EXOC6B: variants seen among roughly 807,000 people sequenced by gnomAD.
EXOC6B encodes SEC15 homolog B.
Under a neutral mutation model 113.5 loss-of-function variants are expected in EXOC6B, and 54 were observed. That is an observed-to-expected ratio of 0.48 (90% confidence interval 0.38 to 0.60). The LOEUF is 0.60. Among genes scored for constraint, EXOC6B ranks in the 20% least tolerant of loss-of-function variants. The pLI is 0.00. For missense variants in EXOC6B, 797 were observed against 977.5 expected, an observed-to-expected ratio of 0.82 and a Z score of 2.46; for synonymous variants, 357 against 339.0, an observed-to-expected ratio of 1.05 and a Z score of -0.58.
chr2:72,323,490 T>C (rs1216392252), intron 20 of EXOC6B, among the ~76,000 whole-genome samples: 2 of 152,166 alleles, frequency 1.3e-5, no homozygotes. Flanking sequence ...ACTGGGTATG[T>C]ACCCAAAGGA....
In EXOC6B at chr2:72,498,477, T is replaced by C. The variant is rs755208021; in HGVS notation, c.1314A>G (p.Leu438=). The change falls in exon 13 of 22, where the codon CTA becomes CTG. Residue 438 remains leucine (L), a synonymous_variant. Transcript: ENST00000272427. Reference sequence around the variant, plus strand: ...ACCTGAAAATACCTGCCCACTTCTTTAGCAGAGTTTCACTATATTGGTCTC... The same window carrying C: ...ACCTGAAAATACCTGCCCACTTCTTCAGCAGAGTTTCACTATATTGGTCTC... The part of the protein sequence containing the change: ...EIRDQYSETL[L]KKWAGIFRNI... The C allele has an allele frequency of 6.2e-7, 1 of 1,611,458 alleles. No homozygotes were observed. The highest frequency in any genetic ancestry group is 1.7e-5 in the Admixed American group (1 of 59,794).
At chr2:72,325,574 C>A (rs1423021725) in intron 20 of EXOC6B, among the ~76,000 whole-genome samples, 5 of 151,854 alleles carry the variant, frequency 3.3e-5, no homozygotes, top group Non-Finnish European at 7.4e-5. Context: ...TCTTCACATA[C>A]CTGCCATTTA....
intron 6 of EXOC6B, among the ~76,000 whole-genome samples, chr2:72,605,304 AAAAAAG>A (rs1436591177): frequency 6.6e-6 from 1 of 151,796 alleles, no homozygotes; most frequent in East Asian, 1.9e-4. Context: ...AAAAGGAAAA[AAAAAAG>A]AAAAAGAATC....
chr2:72,293,842 A>G (rs1006140506), intron 20 of EXOC6B, among the ~76,000 whole-genome samples: 4 of 152,168 alleles, frequency 2.6e-5, no homozygotes, highest in Non-Finnish European at 4.4e-5. Flanking sequence ...TGAAATACAC[A>G]ATGTATTTGA....
At chr2:72,438,855 G>T (rs534363249) in intron 18 of EXOC6B, among the ~76,000 whole-genome samples, 1 of 152,230 alleles carries the variant, frequency 6.6e-6, no homozygotes, top group South Asian at 2.1e-4. Context: ...AAATATCAGA[G>T]AAATTGGCTA....
intron 11 of EXOC6B, among the ~76,000 whole-genome samples, chr2:72,511,954 T>C (rs2105661891): frequency 6.6e-6 from 1 of 152,240 alleles, no homozygotes; most frequent in East Asian, 1.9e-4. Context: ...AGAAATTGTT[T>C]TAATGCTAAA....
intron 11 of EXOC6B, 47 bp from the exon 12 acceptor site, chr2:72,500,019 A>C (rs1700239379): frequency 1.6e-6 from 2 of 1,216,258 alleles, no homozygotes; most frequent in Non-Finnish European, 1.2e-6. Context: ...TATTAGTAAA[A>C]ATGCAATTAA....
chr2:72,617,485 G>A (rs974584197), intron 6 of EXOC6B, among the ~76,000 whole-genome samples: 1 of 151,302 alleles, frequency 6.6e-6, no homozygotes, highest in African/African-American at 2.4e-5. Flanking sequence ...CTGAAATCTA[G>A]GCAGAGGGTC....
intron 6 of EXOC6B, among the ~76,000 whole-genome samples, chr2:72,713,338 G>C (rs1396394394): frequency 6.6e-6 from 1 of 152,104 alleles, no homozygotes. Flanking sequence ...TGTTTTCTCA[G>C]TACAATTCTA....
rs113488785 is a variant in EXOC6B at position 72,193,594 on chromosome 2, T to C, written c.2197-9407A>G. On this transcript the variant is annotated intron_variant, in intron 20 of 21. Transcript: ENST00000272427. ...TGAGGAAATCAGTCTGGTAAATAAA[T>C]TGATACAGAATGATGTGAATACCCT... Among the ~76,000 whole-genome samples the C allele has an allele frequency of 3.3e-5, 5 of 152,286 alleles. 1 individual carries two copies. The highest frequency in any genetic ancestry group is 1.2e-4 in the African/African-American group (5 of 41,562).
At chr2:72,403,895 C>G (rs118084228) in intron 18 of EXOC6B, among the ~76,000 whole-genome samples, 1 of 152,048 alleles carries the variant, frequency 6.6e-6, no homozygotes, top group African/African-American at 2.4e-5. Context: ...CGAGCATGAC[C>G]CGAAGCAGGG....
intron 20 of EXOC6B, among the ~76,000 whole-genome samples, chr2:72,191,886 G>A (rs769785569): frequency 6.6e-6 from 1 of 152,094 alleles, no homozygotes; most frequent in Admixed American, 6.6e-5. Flanking sequence ...GAAGGAAATC[G>A]TCAAATAAAA....
At position 72,227,729 on chromosome 2, in the gene EXOC6B, C is replaced by A. The variant is rs188458369; in HGVS notation, c.2197-43542G>T. Among the ~76,000 whole-genome samples, 699 of 152,280 alleles carry A rather than the reference C, an allele frequency of 4.6e-3. 7 individuals are homozygous for A. The highest frequency in any genetic ancestry group is 0.016 in the African/African-American group (647 of 41,564). On this transcript the variant is annotated intron_variant, in intron 20 of 21. Transcript: ENST00000272427. ...ATAAAGCAAACCTTAATAAATACCA[C>A]ATTCTTTTAATCACTGAAATAAAAT... is the stretch of plus-strand genomic sequence containing the variant.
chr2:72,237,493 C>T (rs577820658), intron 20 of EXOC6B, among the ~76,000 whole-genome samples: 1 of 152,038 alleles, frequency 6.6e-6, no homozygotes, highest in African/African-American at 2.4e-5. Flanking sequence ...AAGAAACCAA[C>T]ATATGGATTA....
chr2:72,714,410 C>T (rs1419857484), intron 6 of EXOC6B, among the ~76,000 whole-genome samples: 1 of 152,158 alleles, frequency 6.6e-6, no homozygotes, highest in African/African-American at 2.4e-5. Flanking sequence ...GCCTGTTGCA[C>T]TATAAGTGAA....
At chr2:72,301,820 T>C (rs1418207288) in intron 20 of EXOC6B, among the ~76,000 whole-genome samples, 1 of 152,224 alleles carries the variant, frequency 6.6e-6, no homozygotes, top group Non-Finnish European at 1.5e-5. Context: ...TGTGAATTTT[T>C]TTTGTGTCTT....
At chr2:72,486,185 T>C (rs899094329) in intron 16 of EXOC6B, among the ~76,000 whole-genome samples, 1 of 151,914 alleles carries the variant, frequency 6.6e-6, no homozygotes, top group African/African-American at 2.4e-5. Flanking sequence ...GCCTGGCCAA[T>C]ATGTTGAAAC....
chr2:72,610,581 G>C (rs905362551), intron 6 of EXOC6B, among the ~76,000 whole-genome samples: 14 of 152,138 alleles, frequency 9.2e-5, no homozygotes, highest in Admixed American at 2.6e-4. Flanking sequence ...AAATAACATA[G>C]TATTGTATTA....
intron 3 of EXOC6B, among the ~76,000 whole-genome samples, chr2:72,732,544 G>A (rs2104779659): frequency 6.6e-6 from 1 of 152,188 alleles, no homozygotes; most frequent in East Asian, 1.9e-4. Flanking sequence ...AGGGGATACA[G>A]CAATGAATAA....
Sources: allele counts gnomAD v4.1 joint callset (sites outside exome capture counted in the v4.1 genomes callset), GRCh38; gene constraint gnomAD v4.1.1; transcripts MANE v1.5; gene names NCBI Gene and HGNC (gene_info 2026-07-23, HGNC 2026-07-21).